The following TERB1 variants were observed in gnomAD, a reference collection of about 807,000 sequenced individuals.
TERB1 encodes the protein telomere repeats-binding bouquet formation protein 1.
In TERB1, 63 loss-of-function variants were observed where a neutral mutation model predicts 92.3. That is an observed-to-expected ratio of 0.68 (90% CI 0.56 to 0.84). TERB1 has a LOEUF of 0.84. Among genes scored for constraint, TERB1 ranks in the 40% least tolerant of loss-of-function variants. The pLI is 0.00. For synonymous variants in TERB1, 252 were observed against 283.9 expected (o/e 0.89, Z 1.13); for missense variants, 709 against 843.7 (o/e 0.84, Z 1.98).
At position 66,770,006 on chromosome 16, in the gene TERB1, G is replaced by A. The variant is rs781103890; in HGVS notation, c.1576C>T (p.His526Tyr). ...KAKSSCNQNL[H>Y]EETTFEKNFV... is the part of the protein sequence containing the mutation. ...TTCTTTTCAAAAGTAGTTTCTTCATGTAAGTTTTGATTGCAGCTTGACTTG... is the reference window on the plus strand; with the variant it reads ...TTCTTTTCAAAAGTAGTTTCTTCATATAAGTTTTGATTGCAGCTTGACTTG... The change falls in exon 14 of 19, where the codon CAT becomes TAT. Residue 526 changes from histidine (H) to tyrosine (Y), a missense_variant. Transcript: ENST00000433154. The A allele has an allele frequency of 5.0e-5, 78 of 1,551,448 alleles. No individual in the cohort carries two copies. The Middle Eastern group carries it at 5.2e-3, about 103-fold the overall frequency.
chr16:66,789,703 A>ATT (rs10542528), intron 5 of TERB1, among the ~76,000 whole-genome samples: 14 of 105,578 alleles, frequency 1.3e-4, no homozygotes, highest in African/African-American at 3.4e-4. Context: ...CTAAAAGGTG[A>ATT]TTTTTTTTTT....
At chr16:66,786,158 A>G in intron 7 of TERB1, 29 bp from the exon 8 acceptor site, 1 of 1,532,646 alleles carries the variant, frequency 6.5e-7, no homozygotes, top group Non-Finnish European at 8.8e-7. Flanking sequence ...AAGAAAGTAA[A>G]TTAATACAAA....
Position 66,758,757 on chromosome 16 carries a change from A to C in TERB1, c.1996+16T>G. 6.8e-7 allele frequency: 1 copy of C among 1,476,050 alleles called. No individual in the cohort carries two copies. Among genetic ancestry groups the C allele is most frequent in the East Asian group, 2.5e-5 (1 of 40,084 alleles). The allele number at this position is 1,476,050 out of a possible 1,614,324, so 91.4% of individuals were successfully genotyped here. On this transcript the variant is annotated intron_variant, in intron 18 of 18. Coordinates refer to ENST00000433154, the MANE Select transcript of TERB1 (RefSeq NM_001136505.2). ...CCCTGTCTCAAGAAAAAAAAAATTA[A>C]ATTAAATATATTCACTTATTCCTCC...
chr16:66,785,856 T>C lies in TERB1; in HGVS notation c.630A>G (p.Leu210=). The change falls in exon 9 of 19, where the codon CTA becomes CTG. Residue 210 remains leucine, a synonymous_variant. Transcript: ENST00000433154. The part of the protein sequence containing the change: ...CSLFPHANEW[L]KNCTTPEIIR... ...TTATCTCAGGTGTCGTGCAATTTTTTAGCCATTCATTAGCATGTGGAAAAA... is the reference window on the plus strand; with the variant it reads ...TTATCTCAGGTGTCGTGCAATTTTTCAGCCATTCATTAGCATGTGGAAAAA... The C allele has an allele frequency of 1.3e-6, 2 of 1,549,632 alleles. No homozygotes were observed. The highest frequency in any genetic ancestry group is 1.2e-5 in the South Asian group (1 of 83,302).
intron 9 of TERB1, among the ~76,000 whole-genome samples, chr16:66,780,277 T>C (rs1260982393): frequency 6.6e-6 from 1 of 152,084 alleles, no homozygotes; most frequent in East Asian, 1.9e-4. Context: ...AAAAAGAGGC[T>C]GGGTGTGGTA....
At chr16:66,796,965 A>T (rs1205426345) in intron 2 of TERB1, 135 bp from the exon 3 acceptor site, 3 of 536,918 alleles carry the variant, frequency 5.6e-6, no homozygotes, top group Non-Finnish European at 9.8e-6. Flanking sequence ...TAATAATTAA[A>T]CTTAATTAAC....
chr16:66,787,265 ATTTTTC>A (rs1224792251), intron 6 of TERB1, among the ~76,000 whole-genome samples: 18 of 147,996 alleles, frequency 1.2e-4, no homozygotes, highest in African/African-American at 3.9e-4. Flanking sequence ...CACCCAGTTA[ATTTTTC>A]TTTTTCTTTT....
intron 2 of TERB1, chr16:66,799,973 C>A (rs756435311): frequency 6.6e-6 from 1 of 152,188 alleles, no homozygotes; most frequent in Non-Finnish European, 1.5e-5. Flanking sequence ...TTTCACTCAA[C>A]CCACTCCCCA....
At chr16:66,799,337 C>A (rs558668762) in intron 2 of TERB1, among the ~76,000 whole-genome samples, 141 of 152,242 alleles carry the variant, frequency 9.3e-4, no homozygotes, top group African/African-American at 3.2e-3. Context: ...AAGCAATTCT[C>A]CTGTCTCCGC....
chr16:66,786,854 C>T (rs1254351290), intron 6 of TERB1, among the ~76,000 whole-genome samples: 1 of 152,196 alleles, frequency 6.6e-6, no homozygotes, highest in Admixed American at 6.5e-5. Context: ...CCTGATGCCT[C>T]GCTTCCCTGA....
At chr16:66,794,096 CTCTTT>C (rs113661872) in intron 3 of TERB1, among the ~76,000 whole-genome samples, 7,790 of 151,810 alleles carry the variant, frequency 0.051, 681 homozygotes, top group African/African-American at 0.17. Flanking sequence ...GACTTTTCTT[CTCTTT>C]TCTTTTCTTT....
rs2018472831 is a variant in TERB1, at chr16:66,772,707, T to G, written c.1154A>C (p.Glu385Ala). 2 of 1,549,044 alleles carry G rather than the reference T, an allele frequency of 1.3e-6. No homozygotes were observed. The highest frequency in any genetic ancestry group is 1.7e-6 in the Non-Finnish European group (2 of 1,145,318). ...SLSLGEYPFD[E>A]NETQQLKDIS... Reference sequence around the variant, plus strand: ...GTCCTTTAATTGCTGTGTTTCATTTTCATCAAAAGGATATTCTCCTAGACT... The same window carrying G: ...GTCCTTTAATTGCTGTGTTTCATTTGCATCAAAAGGATATTCTCCTAGACT... The change falls in exon 13 of 19, where the codon GAA becomes GCA. Residue 385 changes from glutamate to alanine, a missense_variant. By Grantham distance (107) the Glu-to-Ala change is moderately radical. Transcript: ENST00000433154.
At chr16:66,756,273 T>C (rs1000530320) in intron 18 of TERB1, among the ~76,000 whole-genome samples, 5 of 152,160 alleles carry the variant, frequency 3.3e-5, no homozygotes, top group African/African-American at 4.8e-5. Context: ...AAGACAGCCA[T>C]TTGTTTACCT....
At chr16:66,758,666 G>C (rs1261641451) in intron 18 of TERB1, 107 bp downstream of exon 18, 29 of 644,946 alleles carry the variant, frequency 4.5e-5, no homozygotes, top group Non-Finnish European at 2.4e-5. Flanking sequence ...ACTTGAACCT[G>C]GGAGGCGGAG....
At chr16:66,782,043 T>C (rs1039995403) in intron 9 of TERB1, among the ~76,000 whole-genome samples, 3 of 152,210 alleles carry the variant, frequency 2.0e-5, no homozygotes, top group Non-Finnish European at 4.4e-5. Context: ...TTCACTCTTA[T>C]ACTTATTTAA....
At chr16:66,781,258 C>T (rs1039067012) in intron 9 of TERB1, among the ~76,000 whole-genome samples, 1 of 152,142 alleles carries the variant, frequency 6.6e-6, no homozygotes, top group African/African-American at 2.4e-5. Flanking sequence ...GGTCTCACTA[C>T]GTTGCCCAGT....
At chr16:66,775,316 T>C (rs1263172710) in intron 11 of TERB1, 73 bp from the exon 12 acceptor site, 6 of 1,349,440 alleles carry the variant, frequency 4.4e-6, no homozygotes, top group Admixed American at 2.3e-5. Context: ...TTCTTCCTTG[T>C]GATAATTATG....
intron 2 of TERB1, among the ~76,000 whole-genome samples, chr16:66,797,637 A>C (rs1419726714): frequency 6.6e-6 from 1 of 150,832 alleles, no homozygotes; most frequent in African/African-American, 2.4e-5. Flanking sequence ...ACACACACAC[A>C]CACACACACA....
rs1354384745 is a variant in TERB1, at chr16:66,760,362, G to C, written c.1781-1072C>G. On this transcript the variant is annotated intron_variant, in intron 16 of 18. Coordinates refer to ENST00000433154, the MANE Select transcript of TERB1 (RefSeq NM_001136505.2). ...TAGTCCCAGCTACTTGGGAGGCTGA[G>C]GCAGGAGAATCACTTGAACCCGCCA... 2.8e-5 allele frequency among the ~76,000 whole-genome samples: 4 copies of C among 142,962 alleles called. No homozygotes were observed. In the East Asian group the frequency reaches 8.0e-4, roughly 29 times the overall value. The allele number at this position is 142,962 out of a possible 152,430, so 93.8% of individuals were successfully genotyped here.
Sources: allele counts gnomAD v4.1 joint callset (sites outside exome capture counted in the v4.1 genomes callset), GRCh38; gene constraint gnomAD v4.1.1; transcripts MANE v1.5; gene names NCBI Gene and HGNC (gene_info 2026-07-23, HGNC 2026-07-21).